LRRC1: variants seen among roughly 807,000 people sequenced by gnomAD.
LRRC1 encodes the protein leucine rich repeat containing 1, also known as leucine-rich repeat-containing protein 1.
A neutral mutation model predicts 69.9 loss-of-function variants in LRRC1; 28 were observed. The observed-to-expected ratio is 0.40, with a 90% CI of 0.30 to 0.55. The LOEUF (loss-of-function observed/expected upper bound fraction) is 0.55, where lower values mean the gene tolerates loss of function less well. Among genes scored for constraint, LRRC1 ranks in the 20% least tolerant of loss-of-function variants. The pLI is 0.47. For synonymous variants in LRRC1, 236 were observed against 240.2 expected, an observed-to-expected ratio of 0.98 and a Z score of 0.16; for missense variants, 498 against 609.0, an observed-to-expected ratio of 0.82 and a Z score of 1.92.
intron 13 of LRRC1, among the ~76,000 whole-genome samples, chr6:53,922,397 T>C (rs922587620): frequency 8.5e-5 from 13 of 152,224 alleles, no homozygotes; most frequent in African/African-American, 2.9e-4. Context: ...AGTATTCTTT[T>C]ATTCTGAAAG....
At chr6:53,891,015 CCATT>C (rs1767662699) in intron 4 of LRRC1, among the ~76,000 whole-genome samples, 1 of 152,180 alleles carries the variant, frequency 6.6e-6, no homozygotes, top group Admixed American at 6.5e-5. Flanking sequence ...CTTAAAGTAA[CCATT>C]CATCCAGTCA....
Position 53,813,541 on chromosome 6 carries a change from TTTTTTTTTC to T in LRRC1, c.159+18135_159+18143del, listed in dbSNP as rs996559616. Among the ~76,000 whole-genome samples the T allele has an allele frequency of 6.2e-5, 9 of 145,144 alleles. 1 individual carries two copies. Among genetic ancestry groups the T allele is most frequent in the East Asian group, 2.0e-4 (1 of 5,040 alleles). On this transcript the variant is annotated intron_variant, in intron 1 of 13. Transcript: ENST00000370888. Reference sequence around the variant, plus strand: ...TGTTACTGCCTGGCTCAGTGGTTTTTTTTTTTTTCTTTTTTTTTCTGGAAATCAGTTTTT... The same window carrying T: ...TGTTACTGCCTGGCTCAGTGGTTTTTTTTTTTTTTCTGGAAATCAGTTTTT...
chr6:53,920,601 C>A (rs1358227442), intron 12 of LRRC1, 24 bp from the exon 13 acceptor site: 3 of 1,614,088 alleles, frequency 1.9e-6, no homozygotes, highest in Non-Finnish European at 2.5e-6. Context: ...CAATTCCCTG[C>A]TTATGTGGTC....
At chr6:53,897,064 G>C (rs1767897683) in intron 6 of LRRC1, among the ~76,000 whole-genome samples, 172 bp downstream of exon 6, 1 of 152,128 alleles carries the variant, frequency 6.6e-6, no homozygotes, top group Non-Finnish European at 1.5e-5. Flanking sequence ...TTCATGGGTG[G>C]GGGAGGTCAG....
chr6:53,864,380 C>T (rs968530607), intron 2 of LRRC1, among the ~76,000 whole-genome samples: 4 of 152,114 alleles, frequency 2.6e-5, no homozygotes, highest in Non-Finnish European at 5.9e-5. Flanking sequence ...GGCTTTGTTT[C>T]TGACTCCTCA....
At chr6:53,884,750 T>G (rs962913171) in intron 4 of LRRC1, among the ~76,000 whole-genome samples, 5 of 152,212 alleles carry the variant, frequency 3.3e-5, no homozygotes, top group Non-Finnish European at 7.4e-5. Context: ...AGATAAAATA[T>G]ATTATTAAAC....
chr6:53,904,450 C>A lies in LRRC1; in HGVS notation c.978C>A (p.Ser326=). 6.2e-7 allele frequency: 1 copy of A among 1,605,864 alleles called. No individual in the cohort carries two copies. Among genetic ancestry groups the A allele is most frequent in the South Asian group, 1.1e-5 (1 of 89,824 alleles). The change falls in exon 10 of 14, where the codon TCC becomes TCA. Residue 326 remains serine, a synonymous_variant. Coordinates refer to ENST00000370888, the MANE Select transcript of LRRC1 (RefSeq NM_018214.5). ...NLNADRNKLV[S]LPKEIGGCCS... Reference sequence around the variant, plus strand: ...ATGCAGACAGAAATAAATTAGTGTCCTTACCAAAAGAGGTATGTGCTTTTA... The same window carrying A: ...ATGCAGACAGAAATAAATTAGTGTCATTACCAAAAGAGGTATGTGCTTTTA...
intron 8 of LRRC1, among the ~76,000 whole-genome samples, chr6:53,901,845 C>T (rs1170625089): frequency 1.3e-5 from 2 of 152,270 alleles, no homozygotes; most frequent in Non-Finnish European, 1.5e-5. Context: ...TGCCCTGTGG[C>T]TGCACCCGAG....
chr6:53,885,649 A>T (rs1767448739), intron 4 of LRRC1, among the ~76,000 whole-genome samples: 1 of 152,188 alleles, frequency 6.6e-6, no homozygotes. Flanking sequence ...CTAGCACAGT[A>T]GTTGGCATTA....
intron 7 of LRRC1, 46 bp downstream of exon 7, chr6:53,897,405 C>A: frequency 7.5e-7 from 1 of 1,340,172 alleles, no homozygotes; most frequent in South Asian, 1.2e-5. Flanking sequence ...AAAACAGCAA[C>A]AATAAGCTTT....
intron 1 of LRRC1, among the ~76,000 whole-genome samples, chr6:53,795,902 C>T (rs1035170558): frequency 1.3e-5 from 2 of 152,238 alleles, no homozygotes; most frequent in Non-Finnish European, 2.9e-5. Context: ...AAGCGGGCCG[C>T]ACTATCTCGG....
At chr6:53,850,400 G>T (rs1051721021) in intron 2 of LRRC1, among the ~76,000 whole-genome samples, 1 of 152,310 alleles carries the variant, frequency 6.6e-6, no homozygotes, top group Non-Finnish European at 1.5e-5. Context: ...GTCATTTGTC[G>T]TTTGTTAGAA....
intron 2 of LRRC1, among the ~76,000 whole-genome samples, chr6:53,851,205 C>CAT (rs377309583): frequency 1.8e-5 from 2 of 113,766 alleles, no homozygotes; most frequent in Non-Finnish European, 3.8e-5. Context: ...CACACACACA[C>CAT]GTGAATATAT....
chr6:53,831,238 C>T (rs1030584686), intron 1 of LRRC1, among the ~76,000 whole-genome samples: 12 of 151,962 alleles, frequency 7.9e-5, no homozygotes, highest in African/African-American at 1.9e-4. Flanking sequence ...TCTGAACAAA[C>T]GGCATTACAT....
rs956285752 is a variant in LRRC1, at chr6:53,895,160, C to T, written c.447-1338C>T. 6.6e-5 allele frequency among the ~76,000 whole-genome samples: 10 copies of T among 152,184 alleles called. 1 individual carries two copies. The highest frequency in any genetic ancestry group is 1.3e-4 in the Admixed American group (2 of 15,280). On this transcript the variant is annotated intron_variant, in intron 4 of 13. Transcript: ENST00000370888. ...TCTCGATCTCCTGACCTCGTGGATC[C>T]GCCCACCTCGGCCTCCCAAAGTGCT...
chr6:53,871,587 G>A (rs960165402), intron 2 of LRRC1, among the ~76,000 whole-genome samples: 4 of 152,114 alleles, frequency 2.6e-5, no homozygotes, highest in Non-Finnish European at 2.9e-5. Flanking sequence ...TTTGTAGGTC[G>A]TCTCTTTATT....
At chr6:53,904,268 C>T (rs1768162121) in intron 9 of LRRC1, 111 bp from the exon 10 acceptor site, 1 of 627,456 alleles carries the variant, frequency 1.6e-6, no homozygotes, top group Non-Finnish European at 2.8e-6. Flanking sequence ...AGAACTATTG[C>T]TTCTGTTGCT....
chr6:53,920,028 T>C (rs1321209612), intron 12 of LRRC1, among the ~76,000 whole-genome samples: 1 of 152,254 alleles, frequency 6.6e-6, no homozygotes, highest in East Asian at 1.9e-4. Flanking sequence ...TTTTAAGCCA[T>C]TGAATTATTT....
chr6:53,850,865 C>G (rs1299755125), intron 2 of LRRC1, among the ~76,000 whole-genome samples: 28 of 152,042 alleles, frequency 1.8e-4, no homozygotes, highest in African/African-American at 6.8e-4. Context: ...CAACTAGTGG[C>G]CACAAAGTCT....
Sources: allele counts gnomAD v4.1 joint callset (sites outside exome capture counted in the v4.1 genomes callset), GRCh38; gene constraint gnomAD v4.1.1; transcripts MANE v1.5; gene names NCBI Gene and HGNC (gene_info 2026-07-23, HGNC 2026-07-21).